Variants in CATSPERE observed in about 807,000 individuals in gnomAD.
CATSPERE encodes the protein catsper channel auxiliary subunit epsilon, also known as cation channel sperm-associated auxiliary subunit epsilon.
CATSPERE carries 93 observed loss-of-function variants against 114.1 expected under a neutral mutation model. The observed-to-expected ratio is 0.81, with a 90% CI of 0.69 to 0.97. The LOEUF (loss-of-function observed/expected upper bound fraction) is 0.97. Among genes scored for constraint, CATSPERE ranks in the 50% least tolerant of loss-of-function variants. CATSPERE has a pLI of 0.00. For missense variants in CATSPERE, 1,058 were observed against 1,131.6 expected, an observed-to-expected ratio of 0.93 and a Z score of 0.93; for synonymous variants, 341 against 384.1, an observed-to-expected ratio of 0.89 and a Z score of 1.31.
chr1:244,494,001 A>T (rs894396663), intron 6 of CATSPERE, among the ~76,000 whole-genome samples: 2 of 151,908 alleles, frequency 1.3e-5, no homozygotes, highest in Non-Finnish European at 2.9e-5. Flanking sequence ...TACACTGTTG[A>T]TGGGACTGTA....
chr1:244,620,402 C>T (rs546057817), intron 20 of CATSPERE, among the ~76,000 whole-genome samples: 1 of 152,222 alleles, frequency 6.6e-6, no homozygotes, highest in East Asian at 1.9e-4. Flanking sequence ...TTCCAGTTTC[C>T]CATCTCTCAT....
At chr1:244,527,051 C>T (rs936348301) in intron 8 of CATSPERE, among the ~76,000 whole-genome samples, 1 of 150,540 alleles carries the variant, frequency 6.6e-6, no homozygotes, top group African/African-American at 2.5e-5. Flanking sequence ...CACAGGACCA[C>T]AGGACCGGGG....
chr1:244,470,253 G>T (rs1668263726), intron 2 of CATSPERE, among the ~76,000 whole-genome samples: 1 of 152,208 alleles, frequency 6.6e-6, no homozygotes, highest in Non-Finnish European at 1.5e-5. Context: ...CAATTCACAG[G>T]ATGGGAGAGA....
chr1:244,497,726 G>A (rs941989075), intron 6 of CATSPERE, among the ~76,000 whole-genome samples: 2 of 152,190 alleles, frequency 1.3e-5, no homozygotes, highest in African/African-American at 4.8e-5. Flanking sequence ...GAACCCAGGA[G>A]GTGGAGGTTG....
intron 20 of CATSPERE, among the ~76,000 whole-genome samples, chr1:244,630,584 A>G (rs2813903): frequency 0.92 from 139,810 of 152,198 alleles, 65,435 homozygotes; most frequent in South Asian, 1. Context: ...GGAACAGTTC[A>G]ACCAAATAAC....
intron 20 of CATSPERE, among the ~76,000 whole-genome samples, chr1:244,619,563 G>A (rs992921636): frequency 6.6e-6 from 1 of 152,140 alleles, no homozygotes; most frequent in African/African-American, 2.4e-5. Flanking sequence ...AAAGGCTAAT[G>A]GAGAGTATTT....
At chr1:244,491,760 A>T (rs1004255782) in intron 6 of CATSPERE, among the ~76,000 whole-genome samples, 2 of 152,188 alleles carry the variant, frequency 1.3e-5, no homozygotes, top group Non-Finnish European at 2.9e-5. Flanking sequence ...GATAAAGGGG[A>T]TATCACCACC....
In CATSPERE at chr1:244,566,220, A is replaced by G. The variant is rs970191887; in HGVS notation, c.1507+5075A>G. Reference sequence around the variant, plus strand: ...TGATTTCCATTCTTTTGCATTTGCTAAGGAGTGTTTTACTTCTAATTAATT... The same window carrying G: ...TGATTTCCATTCTTTTGCATTTGCTGAGGAGTGTTTTACTTCTAATTAATT... On this transcript the variant is annotated intron_variant, in intron 10 of 21. Transcript: ENST00000366534. 3.3e-5 allele frequency among the ~76,000 whole-genome samples: 5 copies of G among 152,178 alleles called. No homozygotes were observed. In the East Asian group the frequency reaches 9.6e-4, roughly 29 times the overall value.
chr1:244,535,219 T>A (rs3123463), intron 8 of CATSPERE, among the ~76,000 whole-genome samples: 132,531 of 152,010 alleles, frequency 0.87, 58,700 homozygotes, highest in East Asian at 1. Flanking sequence ...ACCTGAATCT[T>A]GCATAGCACT....
intron 5 of CATSPERE, among the ~76,000 whole-genome samples, chr1:244,487,942 C>T (rs1370301198): frequency 6.6e-6 from 1 of 152,194 alleles, no homozygotes; most frequent in East Asian, 1.9e-4. Flanking sequence ...CTTCTAAGCA[C>T]TGCCTCTTTC....
Position 244,568,817 on chromosome 1 carries a change from C to T in CATSPERE, c.1508-3513C>T, listed in dbSNP as rs1300998707. On this transcript the variant is annotated intron_variant, in intron 10 of 21. Coordinates refer to ENST00000366534, the MANE Select transcript of CATSPERE (RefSeq NM_001130957.2). This position sits in a 1 kb window ranked among gnomAD's most constrained non-coding sequence, Gnocchi z 4.4. ...ATCCACTGAGCTAGACCACTTGGCT[C>T]CCTGGCTTCAGCCCCCTTTCCAGCG... Among the ~76,000 whole-genome samples, 1 of 152,196 alleles carries T rather than the reference C, an allele frequency of 6.6e-6. No individual in the cohort carries two copies. The highest frequency in any genetic ancestry group is 2.4e-5 in the African/African-American group (1 of 41,456).
intron 17 of CATSPERE, among the ~76,000 whole-genome samples, chr1:244,597,609 A>G (rs1185015639): frequency 6.8e-6 from 1 of 146,310 alleles, no homozygotes; most frequent in Non-Finnish European, 1.5e-5. Context: ...ATAATTTATA[A>G]TTTCGTATAT....
At chr1:244,524,638 A>G (rs146868341) in intron 8 of CATSPERE, among the ~76,000 whole-genome samples, 1 of 150,916 alleles carries the variant, frequency 6.6e-6, no homozygotes, top group African/African-American at 2.5e-5. Flanking sequence ...AAACAAATTT[A>G]CAAGAAAAAA....
At chr1:244,558,831 G>C (rs1662102235) in intron 9 of CATSPERE, among the ~76,000 whole-genome samples, 1 of 151,958 alleles carries the variant, frequency 6.6e-6, no homozygotes, top group Non-Finnish European at 1.5e-5. Context: ...TTCTGTCAGG[G>C]AAGCTGCTTT....
chr1:244,597,452 G>C (rs1668586343), intron 17 of CATSPERE, among the ~76,000 whole-genome samples: 1 of 151,354 alleles, frequency 6.6e-6, no homozygotes, highest in Non-Finnish European at 1.5e-5. Flanking sequence ...TCTTCATCTG[G>C]CTTCCAGAAT....
intron 17 of CATSPERE, among the ~76,000 whole-genome samples, chr1:244,596,985 T>C: frequency 6.6e-6 from 1 of 152,058 alleles, no homozygotes; most frequent in Non-Finnish European, 1.5e-5. Flanking sequence ...TCACTATAGA[T>C]GAACTGTCTG....
At chr1:244,629,926 CACG>C (rs1464563152) in intron 20 of CATSPERE, among the ~76,000 whole-genome samples, 1 of 152,178 alleles carries the variant, frequency 6.6e-6, no homozygotes, top group African/African-American at 2.4e-5. Flanking sequence ...AGGTGTGAGC[CACG>C]ACACTTGGCC....
intron 2 of CATSPERE, among the ~76,000 whole-genome samples, chr1:244,469,254 T>C (rs1668078782): frequency 6.6e-6 from 1 of 152,146 alleles, no homozygotes; most frequent in Admixed American, 6.5e-5. Context: ...TATAAATTAG[T>C]ATAATTTAGA....
In CATSPERE at chr1:244,461,402, G is replaced by A; in HGVS notation, c.-28G>A. 7.4e-7 allele frequency: 1 copy of A among 1,350,236 alleles called. No individual in the cohort carries two copies. Among genetic ancestry groups the A allele is most frequent in the Non-Finnish European group, 9.6e-7 (1 of 1,043,508 alleles). The allele number at this position is 1,350,236 out of a possible 1,614,324, so 83.6% of individuals were successfully genotyped here. A position where few individuals can be genotyped will look rare whatever the true frequency, so the allele number is the denominator to read the frequency against. On this transcript the variant is annotated 5_prime_UTR_variant, in exon 1 of 22. Transcript: ENST00000366534. Reference sequence around the variant, plus strand: ...CGAGGCCTGGACGGGAGTGGCCGAGGCGGTTGGGCGGAGGCGGAGCAGGCG... The same window carrying A: ...CGAGGCCTGGACGGGAGTGGCCGAGACGGTTGGGCGGAGGCGGAGCAGGCG...
Sources: allele counts gnomAD v4.1 joint callset (sites outside exome capture counted in the v4.1 genomes callset), GRCh38; gene constraint gnomAD v4.1.1; non-coding constraint Gnocchi (gnomAD v3.1); transcripts MANE v1.5; gene names NCBI Gene and HGNC (gene_info 2026-07-23, HGNC 2026-07-21).